The following ATG7 variants were observed in gnomAD, a reference collection of about 807,000 sequenced individuals.
ATG7 encodes the protein autophagy related 7.
ATG7 carries 70 observed loss-of-function variants against 82.4 expected under a neutral mutation model. The ratio of observed to expected loss-of-function variants is 0.85; its 90% CI spans 0.70 to 1.04. The LOEUF is 1.04. ATG7 is among the 50% of genes least tolerant of loss of function. ATG7 has a pLI of 0.00. For missense variants in ATG7, 792 were observed against 864.3 expected, an observed-to-expected ratio of 0.92 and a Z score of 1.05; for synonymous variants, 287 against 313.0, an observed-to-expected ratio of 0.92 and a Z score of 0.88.
rs994198443 is a variant in ATG7 at position 11,339,048 on chromosome 3, C to G, written c.890-1597C>G. Reference sequence around the variant, plus strand: ...GTGGTAACTCATGCCTGTAATCCCACCACTTTGGGAGGCCAAGGCGGGTGG... The same window carrying G: ...GTGGTAACTCATGCCTGTAATCCCAGCACTTTGGGAGGCCAAGGCGGGTGG... On this transcript the variant is annotated intron_variant, in intron 11 of 20. Transcript: ENST00000693202. Among the ~76,000 whole-genome samples the G allele has an allele frequency of 6.6e-5, 10 of 152,186 alleles. No individual in the cohort carries two copies. In the East Asian group the frequency reaches 9.7e-4, roughly 15 times the overall value.
At chr3:11,437,109 T>C (rs1286505313) in intron 20 of ATG7, among the ~76,000 whole-genome samples, 1 of 152,206 alleles carries the variant, frequency 6.6e-6, no homozygotes, top group Non-Finnish European at 1.5e-5. Flanking sequence ...GTGCCCATAG[T>C]TGGGGCATTT....
intron 20 of ATG7, among the ~76,000 whole-genome samples, chr3:11,521,750 C>T (rs968998658): frequency 1.3e-5 from 2 of 151,848 alleles, no homozygotes; most frequent in African/African-American, 4.8e-5. Flanking sequence ...GACGGGGTTT[C>T]ACTGTGTTAG....
intron 20 of ATG7, among the ~76,000 whole-genome samples, chr3:11,508,866 C>T (rs2091890123): frequency 6.6e-6 from 1 of 152,198 alleles, no homozygotes; most frequent in African/African-American, 2.4e-5. Flanking sequence ...TTAAAGCAAA[C>T]TCGGTACAAC....
At chr3:11,495,961 G>A (rs1233204703) in intron 20 of ATG7, among the ~76,000 whole-genome samples, 4 of 152,118 alleles carry the variant, frequency 2.6e-5, no homozygotes, top group African/African-American at 4.8e-5. Context: ...TTTCATAGGC[G>A]CGTCACGCTA....
At chr3:11,423,504 T>C (rs938188558) in intron 19 of ATG7, among the ~76,000 whole-genome samples, 2 of 152,348 alleles carry the variant, frequency 1.3e-5, no homozygotes, top group East Asian at 3.9e-4. Flanking sequence ...AAACACATAG[T>C]ACTCAACATT....
Position 11,362,890 on chromosome 3 carries a change from C to T in ATG7, c.1761C>T (p.Ala587=), listed in dbSNP as rs370997455. The change falls in exon 17 of 21, where the codon GCC becomes GCT. Residue 587 remains alanine, a synonymous_variant. Transcript: ENST00000693202. ...PGLAVIAGAL[A]VELMVSVLQH... ...TGGCCGTGATTGCAGGAGCCCTGGC[C>T]GTGGAATTGATGGTATCTGTTTTGC... The T allele has an allele frequency of 2.0e-5, 32 of 1,613,828 alleles. No individual in the cohort carries two copies. The highest frequency in any genetic ancestry group is 4.0e-5 in the African/African-American group (3 of 74,888).
chr3:11,491,591 G>A (rs542738968), intron 20 of ATG7, among the ~76,000 whole-genome samples: 1,972 of 152,100 alleles, frequency 0.013, 38 homozygotes, highest in African/African-American at 0.043. Flanking sequence ...TTTTTTCCCC[G>A]TCTTTGTGGT....
chr3:11,514,143 C>T (rs76058789), intron 20 of ATG7, among the ~76,000 whole-genome samples: 2,142 of 152,214 alleles, frequency 0.014, 50 homozygotes, highest in African/African-American at 0.046. Flanking sequence ...ATATTAACAC[C>T]GCTCTTTTAT....
chr3:11,554,768 G>C, intron 20 of ATG7, 43 bp from the exon 21 acceptor site: 1 of 1,608,866 alleles, frequency 6.2e-7, no homozygotes, highest in Non-Finnish European at 8.5e-7. Context: ...CCCCCACCGG[G>C]CAGTGGGACA....
intron 20 of ATG7, among the ~76,000 whole-genome samples, chr3:11,538,812 C>T (rs903793677): frequency 2.1e-5 from 3 of 145,934 alleles, no homozygotes; most frequent in Non-Finnish European, 3.0e-5. Context: ...AAGGTCGAGG[C>T]TGCAGTGAGC....
At chr3:11,277,598 G>A (rs1446320385) in intron 1 of ATG7, among the ~76,000 whole-genome samples, 1 of 152,220 alleles carries the variant, frequency 6.6e-6, no homozygotes, top group African/African-American at 2.4e-5. Flanking sequence ...AGGGGAGGGG[G>A]TGTGCGAACA....
intron 20 of ATG7, among the ~76,000 whole-genome samples, chr3:11,509,334 G>A (rs916927050): frequency 6.6e-6 from 1 of 152,038 alleles, no homozygotes; most frequent in African/African-American, 2.4e-5. Context: ...CCTCATGCAT[G>A]CACATTTGTC....
chr3:11,559,808 T>A (rs139882592), downstream of ATG7, among the ~76,000 whole-genome samples: 1 of 152,264 alleles, frequency 6.6e-6, no homozygotes, highest in African/African-American at 2.4e-5. Context: ...GATTCTCCCG[T>A]TAACGTCCCC....
At chr3:11,462,875 T>G (rs1410912698) in intron 20 of ATG7, among the ~76,000 whole-genome samples, 2 of 149,132 alleles carry the variant, frequency 1.3e-5, no homozygotes, top group East Asian at 3.9e-4. Flanking sequence ...ATTTATTTAT[T>G]TATTTATTTA....
chr3:11,567,751 G>A, the ATG7 span, among the ~76,000 whole-genome samples: 1 of 152,194 alleles, frequency 6.6e-6, no homozygotes, highest in Non-Finnish European at 1.5e-5. Flanking sequence ...ACGGGACTTG[G>A]TTCCTGAATA....
At chr3:11,462,012 C>T (rs2086355528) in intron 20 of ATG7, among the ~76,000 whole-genome samples, 1 of 151,826 alleles carries the variant, frequency 6.6e-6, no homozygotes, top group Non-Finnish European at 1.5e-5. Context: ...GCCTGGGTGA[C>T]AGAGTGAGAC....
intron 13 of ATG7, among the ~76,000 whole-genome samples, chr3:11,342,882 G>GA (rs1953890850): frequency 6.6e-6 from 1 of 151,444 alleles, no homozygotes; most frequent in South Asian, 2.1e-4. Context: ...TACTGTGTTA[G>GA]AGAGAGTATA....
intron 11 of ATG7, among the ~76,000 whole-genome samples, chr3:11,335,191 T>C (rs1281149338): frequency 6.6e-6 from 1 of 152,058 alleles, no homozygotes; most frequent in Non-Finnish European, 1.5e-5. Context: ...GCATTGGATG[T>C]AGCACCCTCT....
chr3:11,302,317 A>C (rs1019017422), intron 5 of ATG7, among the ~76,000 whole-genome samples: 1 of 152,146 alleles, frequency 6.6e-6, no homozygotes, highest in African/African-American at 2.4e-5. Context: ...CTGAGTCCCT[A>C]TTAGGATGGC....
Sources: allele counts gnomAD v4.1 joint callset (sites outside exome capture counted in the v4.1 genomes callset), GRCh38; gene constraint gnomAD v4.1.1; transcripts MANE v1.5; gene names NCBI Gene and HGNC (gene_info 2026-07-23, HGNC 2026-07-21).